PCCB: variants seen among roughly 807,000 people sequenced by gnomAD.
The protein encoded by PCCB is propionyl-CoA carboxylase subunit beta.
PCCB carries 43 observed loss-of-function variants against 60.7 expected under a neutral mutation model. The observed-to-expected ratio is 0.71, with a 90% CI of 0.55 to 0.91. The LOEUF is 0.91. Among genes scored for constraint, PCCB ranks in the 40% least tolerant of loss-of-function variants. PCCB has a pLI of 0.00. For missense variants in PCCB, 766 were observed against 702.8 expected (o/e 1.09, Z -1.02); for synonymous variants, 276 against 255.9 (o/e 1.08, Z -0.75).
chr3:136,259,406 A>C (rs1941762115), intron 3 of PCCB, among the ~76,000 whole-genome samples: 1 of 152,324 alleles, frequency 6.6e-6, no homozygotes, highest in Middle Eastern at 3.4e-3. Flanking sequence ...CGGAGGATAC[A>C]GTGAGCCAAG....
At chr3:136,260,586 T>G in intron 4 of PCCB, 51 bp downstream of exon 4, 1 of 1,427,844 alleles carries the variant, frequency 7.0e-7, no homozygotes, top group Non-Finnish European at 9.9e-7. Flanking sequence ...AGTTACATAG[T>G]GCTTATTGAG....
At chr3:136,294,403 C>A (rs968145220) in intron 7 of PCCB, among the ~76,000 whole-genome samples, 1 of 151,936 alleles carries the variant, frequency 6.6e-6, no homozygotes, top group Non-Finnish European at 1.5e-5. Context: ...CCTCCGCCTC[C>A]CAGGCTCAAG....
At chr3:136,287,767 T>G (rs1933486024) in intron 6 of PCCB, among the ~76,000 whole-genome samples, 1 of 152,376 alleles carries the variant, frequency 6.6e-6, no homozygotes, top group Non-Finnish European at 1.5e-5. Context: ...ATTCATTCAT[T>G]CCACTGCAGA....
rs761601819 is a variant in PCCB, at chr3:136,255,839, T to C, written c.184-17T>C. 1.2e-6 allele frequency: 2 copies of C among 1,611,736 alleles called. No individual in the cohort carries two copies. The highest frequency in any genetic ancestry group is 1.7e-6 in the Non-Finnish European group (2 of 1,177,798). ...TGTCTGTGATGACATCACTGAGTGA[T>C]CTTTGTTCCATTGTAGGGAAAGCTA... On this transcript the variant is annotated splice_polypyrimidine_tract_variant and intron_variant, in intron 1 of 14. Coordinates refer to ENST00000251654, the MANE Select transcript of PCCB (RefSeq NM_000532.5).
chr3:136,265,135 G>A (rs1320803725), intron 5 of PCCB, among the ~76,000 whole-genome samples: 4 of 152,228 alleles, frequency 2.6e-5, no homozygotes, highest in African/African-American at 9.6e-5. Flanking sequence ...GGAGGTTGCA[G>A]TGAACTGAGA....
intron 5 of PCCB, among the ~76,000 whole-genome samples, chr3:136,282,257 T>C (rs1043188285): frequency 3.9e-5 from 6 of 152,248 alleles, no homozygotes; most frequent in Non-Finnish European, 8.8e-5. Flanking sequence ...ACTTGCTGTT[T>C]TATCAAATTC....
In PCCB at chr3:136,271,288, T is replaced by C. The variant is rs1576414965; in HGVS notation, c.543+9223T>C. Among the ~76,000 whole-genome samples, 3 of 152,284 alleles carry C rather than the reference T, an allele frequency of 2.0e-5. No homozygotes were observed. In the East Asian group the frequency reaches 5.8e-4, roughly 29 times the overall value. The stretch of plus-strand genomic sequence containing the variant: ...CTTGGAAGTCTGGTAATGTGATGCC[T>C]TCAGATTTGTTCTTTTTGCTTAGTA... On this transcript the variant is annotated intron_variant, in intron 5 of 14. Transcript: ENST00000251654.
chr3:136,268,122 G>GTATA (rs1410337209), intron 5 of PCCB, among the ~76,000 whole-genome samples: 19 of 74,854 alleles, frequency 2.5e-4, no homozygotes, highest in East Asian at 1.7e-3. Flanking sequence ...ATATATATAT[G>GTATA]TATATATATA....
chr3:136,328,840 T>C lies in PCCB; in HGVS notation c.1481T>C (p.Phe494Ser), dbSNP rs1935428949. 3 of 1,613,836 alleles carry C rather than the reference T, an allele frequency of 1.9e-6. No individual in the cohort carries two copies. The highest frequency in any genetic ancestry group is 2.5e-6 in the Non-Finnish European group (3 of 1,179,768). Reference sequence around the variant, plus strand: ...TACATCGAGAAGTTTGCCAACCCTTTCCCTGCAGCAGTGCGAGGTAGGGGA... The same window carrying C: ...TACATCGAGAAGTTTGCCAACCCTTCCCCTGCAGCAGTGCGAGGTAGGGGA... ...AEYIEKFANP[F>S]PAAVRGFVDD... Residue 494 changes from phenylalanine to serine, a missense_variant, in exon 14 of 15, where the codon TTC becomes TCC. Transcript: ENST00000251654.
At chr3:136,326,776 C>T in intron 10 of PCCB, 27 bp from the exon 11 acceptor site, 1 of 1,416,258 alleles carries the variant, frequency 7.1e-7, no homozygotes, top group Non-Finnish European at 1.0e-6. Flanking sequence ...CCTGGATACT[C>T]AGTATGGATA....
rs767041820 is a variant in PCCB, at chr3:136,327,175, G to T, written c.1219G>T (p.Gly407Cys). The stretch of plus-strand genomic sequence containing the variant: ...TCTAGGCACAGCACAGGAATACGGG[G>T]GCATCATCCGGCATGGTGCCAAGCT... ...FLPGTAQEYG[G>C]IIRHGAKLLY... The change falls in exon 12 of 15, where the codon GGC becomes TGC. Residue 407 changes from glycine (G) to cysteine (C), a missense_variant. Physicochemically the swap from Gly to Cys is radical, Grantham distance 159 (BLOSUM62 -3). Transcript: ENST00000251654. 1 of 1,614,102 alleles carries T rather than the reference G, an allele frequency of 6.2e-7. No individual in the cohort carries two copies. The highest frequency in any genetic ancestry group is 1.1e-5 in the South Asian group (1 of 91,080).
At chr3:136,326,341 C>T in intron 10 of PCCB, 3 of 702,834 alleles carry the variant, frequency 4.3e-6, no homozygotes, top group Non-Finnish European at 7.8e-6. Context: ...ATTTCCTTTA[C>T]TCCTTGGAAC....
At chr3:136,311,890 T>C (rs575173124) in intron 9 of PCCB, among the ~76,000 whole-genome samples, 45 of 152,326 alleles carry the variant, frequency 3.0e-4, no homozygotes, top group Non-Finnish European at 5.4e-4. Context: ...CTTAAGTTGT[T>C]CTATAAATTT....
At chr3:136,309,411 C>G (rs1408970245) in intron 9 of PCCB, among the ~76,000 whole-genome samples, 1 of 151,954 alleles carries the variant, frequency 6.6e-6, no homozygotes, top group Admixed American at 6.6e-5. Context: ...AGAATAGCTG[C>G]AATTAGTAAA....
rs369612150 is a variant in PCCB, at chr3:136,283,847, C to G, written c.554C>G (p.Thr185Arg). ...GYADIFLRNV[T>R]ASGVIPQISL... ...TTTCTGTTTTGGCAGAGGAATGTTACGGCATCCGGAGTCATCCCTCAGATT... is the reference window on the plus strand; with the variant it reads ...TTTCTGTTTTGGCAGAGGAATGTTAGGGCATCCGGAGTCATCCCTCAGATT... Residue 185 changes from threonine (T) to arginine (R), a missense_variant, in exon 6 of 15, where the codon ACG (threonine) becomes AGG (arginine). Physicochemically the swap from Thr to Arg is moderately conservative, Grantham distance 71 (BLOSUM62 -1). Transcript: ENST00000251654. 1.2e-6 allele frequency: 2 copies of G among 1,610,970 alleles called. No individual in the cohort carries two copies. The highest frequency in any genetic ancestry group is 2.2e-5 in the South Asian group (2 of 91,006).
intron 10 of PCCB, among the ~76,000 whole-genome samples, chr3:136,323,777 A>G (rs1935191836): frequency 1.3e-5 from 2 of 148,184 alleles, no homozygotes; most frequent in African/African-American, 5.0e-5. Context: ...AAGAAGCAGA[A>G]CTCCATCTCA....
At chr3:136,301,298 T>C (rs527586013) in intron 9 of PCCB, among the ~76,000 whole-genome samples, 187 bp downstream of exon 9, 1 of 152,208 alleles carries the variant, frequency 6.6e-6, no homozygotes, top group African/African-American at 2.4e-5. Context: ...TGGCTATAGA[T>C]ACCCTAGTGG....
chr3:136,256,127 G>A, intron 2 of PCCB, 152 bp downstream of exon 2: 1 of 1,143,224 alleles, frequency 8.7e-7, no homozygotes, highest in South Asian at 1.4e-5. Context: ...ATTTTTAGTA[G>A]AGATGGGCTT....
chr3:136,268,103 T>G (rs1289177294), intron 5 of PCCB, among the ~76,000 whole-genome samples: 133 of 125,492 alleles, frequency 1.1e-3, no homozygotes, highest in African/African-American at 4.1e-3. Flanking sequence ...TATATATATA[T>G]ATATATATAT....
Sources: allele counts gnomAD v4.1 joint callset (sites outside exome capture counted in the v4.1 genomes callset), GRCh38; gene constraint gnomAD v4.1.1; transcripts MANE v1.5; gene names NCBI Gene and HGNC (gene_info 2026-07-23, HGNC 2026-07-21).